Variants in TDRD12 observed in about 807,000 individuals in gnomAD.
TDRD12 encodes tudor domain containing 12, also known as putative ATP-dependent RNA helicase TDRD12.
TDRD12 carries 158 observed loss-of-function variants against 133.5 expected under a neutral mutation model. The observed-to-expected ratio is 1.18, with a 90% CI of 1.04 to 1.35. TDRD12 has a LOEUF of 1.35. Ranked by LOEUF, TDRD12 falls within the 40% of genes most tolerant of loss-of-function variation. The pLI is 0.00. For missense variants in TDRD12, 1,443 were observed against 1,321.3 expected (o/e 1.09, Z -1.43); for synonymous variants, 460 against 477.9 (o/e 0.96, Z 0.49).
chr19:32,751,260 A>G (rs1037043931), intron 6 of TDRD12, among the ~76,000 whole-genome samples: 1 of 152,072 alleles, frequency 6.6e-6, no homozygotes, highest in Non-Finnish European at 1.5e-5. Flanking sequence ...AGCTTCATCC[A>G]TGTCCCTGCA....
exon 10 of TDRD12, chr19:32,829,107 G>C (rs904867448): frequency 2.0e-5 from 3 of 152,408 alleles, no homozygotes; most frequent in African/African-American, 7.2e-5. Context: ...ATCAGTGTCT[G>C]TTTCTCTGCA....
intron 6 of TDRD12, among the ~76,000 whole-genome samples, chr19:32,750,522 T>C (rs1969792208): frequency 1.3e-5 from 2 of 152,358 alleles, no homozygotes; most frequent in South Asian, 4.1e-4. Context: ...GTTGTCCTGA[T>C]GTTAACATAG....
intron 16 of TDRD12, among the ~76,000 whole-genome samples, chr19:32,799,140 T>A (rs1327802551): frequency 6.6e-6 from 1 of 152,170 alleles, no homozygotes; most frequent in Non-Finnish European, 1.5e-5. Flanking sequence ...AAGGCTTTTC[T>A]TGGAAGCAGT....
At chr19:32,827,397 T>TTTTG (rs1242700748) in exon 10 of TDRD12, 1 of 424,452 alleles carries the variant, frequency 2.4e-6, no homozygotes, top group African/African-American at 2.3e-5. Context: ...TTTTTTTTTT[T>TTTTG]GAGACAGAGT....
At chr19:32,778,886 AC>A (rs1223808616) in intron 11 of TDRD12, among the ~76,000 whole-genome samples, 1 of 152,090 alleles carries the variant, frequency 6.6e-6, no homozygotes, top group Non-Finnish European at 1.5e-5. Context: ...TTTACTTAGA[AC>A]CCACTGATTA....
Position 32,773,557 on chromosome 19 carries a change from G to A in TDRD12, c.1040+25G>A, listed in dbSNP as rs774090550. The A allele has an allele frequency of 2.3e-5, 35 of 1,547,884 alleles. No homozygotes were observed. In the African/African-American group the frequency reaches 2.5e-4, roughly 11 times the overall value. Reference sequence around the variant, plus strand: ...GGTATGATTTGAAAATTCAAACTGGGTGTGGTGGCGCCTGCCTGTAGTCCC... The same window carrying A: ...GGTATGATTTGAAAATTCAAACTGGATGTGGTGGCGCCTGCCTGTAGTCCC... On this transcript the variant is annotated intron_variant, in intron 10 of 27. Transcript: ENST00000444215.
rs148939013 is a variant in TDRD12, at chr19:32,811,824, G to A, written c.3048+404G>A. Reference sequence around the variant, plus strand: ...GTTGAGGCTGCAATGATCTATGATCGTGTCACTGCATTCCAGCCCAGGTGA... The same window carrying A: ...GTTGAGGCTGCAATGATCTATGATCATGTCACTGCATTCCAGCCCAGGTGA... On this transcript the variant is annotated intron_variant, in intron 24 of 27. Transcript: ENST00000444215. 1.6e-3 allele frequency among the ~76,000 whole-genome samples: 242 copies of A among 152,258 alleles called. 1 individual carries two copies. Among genetic ancestry groups the A allele is most frequent in the Admixed American group, 6.5e-3 (100 of 15,300 alleles).
chr19:32,809,141 A>T (rs1966912432), intron 22 of TDRD12, among the ~76,000 whole-genome samples: 1 of 152,122 alleles, frequency 6.6e-6, no homozygotes, highest in Non-Finnish European at 1.5e-5. Context: ...GAATATGGTG[A>T]CATAGTGTCT....
At chr19:32,756,901 CT>C (rs1176295376) in intron 7 of TDRD12, 136 bp from the exon 8 acceptor site, 1 of 655,498 alleles carries the variant, frequency 1.5e-6, no homozygotes, top group African/African-American at 1.8e-5. Flanking sequence ...TTTTAGTCCC[CT>C]CACCTTGTGT....
chr19:32,727,036 G>A (rs1054455290), intron 1 of TDRD12, among the ~76,000 whole-genome samples: 3 of 152,140 alleles, frequency 2.0e-5, no homozygotes, highest in Non-Finnish European at 2.9e-5. Flanking sequence ...CAGCTATGCC[G>A]TTTTACATTC....
exon 10 of TDRD12, chr19:32,828,684 A>G (rs1469869777): frequency 6.6e-6 from 1 of 152,178 alleles, no homozygotes; most frequent in East Asian, 1.9e-4. Context: ...CGCTTGAACT[A>G]GAGGTGAACT....
chr19:32,795,985 TG>T, intron 14 of TDRD12: 1 of 215,842 alleles, frequency 4.6e-6, no homozygotes, highest in Non-Finnish European at 7.9e-6. Flanking sequence ...CCTCCAACAC[TG>T]GGGATTACAT....
chr19:32,761,472 G>A lies in TDRD12; in HGVS notation c.865+4342G>A, dbSNP rs10407846. 5.1e-3 allele frequency among the ~76,000 whole-genome samples: 776 copies of A among 152,052 alleles called. 9 individuals are homozygous for A. The highest frequency in any genetic ancestry group is 0.018 in the African/African-American group (730 of 41,466). On this transcript the variant is annotated intron_variant, in intron 8 of 27. Transcript: ENST00000444215. ...GTCTTTCCTCTGGAACATTTCCTGGGTCTCCTTGATTTTCATGACCTTGCA... is the reference window on the plus strand; with the variant it reads ...GTCTTTCCTCTGGAACATTTCCTGGATCTCCTTGATTTTCATGACCTTGCA...
Position 32,802,533 on chromosome 19 carries a change from C to A in TDRD12, c.2198-123C>A, listed in dbSNP as rs78417961. 3.6e-3 allele frequency: 4,174 copies of A among 1,154,406 alleles called. 111 individuals carry two copies. In the African/African-American group the frequency reaches 0.059, roughly 16 times the overall value. 71.5% of individuals were successfully genotyped at this position (1,154,406 alleles called of 1,614,324 possible). On this transcript the variant is annotated intron_variant, in intron 19 of 27. Coordinates refer to ENST00000444215, the Ensembl canonical transcript of TDRD12. ...GGGGAAAAAAATGGGGAAGAAGTTT[C>A]TTTGCATCCAAAAAAGTAAAATGTG...
chr19:32,801,979 G>A (rs935757876), intron 19 of TDRD12, 106 bp downstream of exon 19: 9 of 454,540 alleles, frequency 2.0e-5, no homozygotes, highest in South Asian at 5.2e-5. Flanking sequence ...TTATTCCCCA[G>A]GTTTACTGAG....
At chr19:32,752,573 T>C (rs949755378) in intron 6 of TDRD12, among the ~76,000 whole-genome samples, 2 of 152,178 alleles carry the variant, frequency 1.3e-5, no homozygotes, top group Non-Finnish European at 2.9e-5. Context: ...GTATGGACTT[T>C]TGGAAATGTA....
intron 1 of TDRD12, among the ~76,000 whole-genome samples, chr19:32,729,793 T>C (rs1326711106): frequency 2.1e-4 from 27 of 126,648 alleles, no homozygotes; most frequent in Non-Finnish European, 2.5e-4. Context: ...TTTTTTTTTT[T>C]TTTTTTTTTT....
At chr19:32,813,658 A>G in intron 24 of TDRD12, 26 bp from the exon 25 acceptor site, 1 of 1,370,344 alleles carries the variant, frequency 7.3e-7, no homozygotes, top group South Asian at 1.3e-5. Context: ...AGCCTCACCT[A>G]AAATAATGTT....
At chr19:32,763,189 T>G (rs1412706051) in intron 8 of TDRD12, among the ~76,000 whole-genome samples, 1 of 152,190 alleles carries the variant, frequency 6.6e-6, no homozygotes, top group Non-Finnish European at 1.5e-5. Flanking sequence ...TGTATTTGAT[T>G]TATTGCCCTT....
Sources: allele counts gnomAD v4.1 joint callset (sites outside exome capture counted in the v4.1 genomes callset), GRCh38; gene constraint gnomAD v4.1.1; transcripts MANE v1.5; gene names NCBI Gene and HGNC (gene_info 2026-07-23, HGNC 2026-07-21).